The following PDHX variants were observed in gnomAD, a reference collection of about 807,000 sequenced individuals.
PDHX encodes the protein pyruvate dehydrogenase protein X component, mitochondrial.
Under a neutral mutation model 55.3 loss-of-function variants are expected in PDHX, and 33 were observed. The observed-to-expected ratio is 0.60, with a 90% CI of 0.45 to 0.80. The LOEUF (loss-of-function observed/expected upper bound fraction) is 0.80, where lower values mean the gene tolerates loss of function less well. Among genes scored for constraint, PDHX ranks in the 30% least tolerant of loss-of-function variants. The pLI is 0.00. For synonymous variants in PDHX, 226 were observed against 219.4 expected (o/e 1.03, Z -0.27); for missense variants, 622 against 619.9 (o/e 1.00, Z -0.04).
At position 34,960,407 on chromosome 11, in the gene PDHX, A is replaced by AT. The variant is rs760783130; in HGVS notation, c.543-6dup. On this transcript the variant is annotated splice_polypyrimidine_tract_variant and intron_variant, in intron 4 of 10. Transcript: ENST00000227868. ...GTTAATTGGTTCTATTAACCTTCAT[A>AT]TTTTTTTCTTAGGTTCCGTTTAAGT... is the stretch of plus-strand genomic sequence containing the variant. The AT allele has an allele frequency of 3.8e-6, 6 of 1,578,968 alleles. No homozygotes were observed. The highest frequency in any genetic ancestry group is 2.2e-5 in the South Asian group (2 of 90,242).
chr11:34,982,204 T>A (rs955960804), intron 8 of PDHX, among the ~76,000 whole-genome samples: 1 of 152,246 alleles, frequency 6.6e-6, no homozygotes, highest in Non-Finnish European at 1.5e-5. Flanking sequence ...AGTTCCAGTT[T>A]CAGCTTTCTA....
chr11:34,963,117 A>G (rs925945023), intron 5 of PDHX, among the ~76,000 whole-genome samples: 2 of 152,166 alleles, frequency 1.3e-5, no homozygotes, highest in African/African-American at 4.8e-5. Flanking sequence ...TTGCTTTTCT[A>G]TACTGCTAAA....
chr11:34,982,336 A>G (rs1230883756), intron 8 of PDHX, among the ~76,000 whole-genome samples: 1 of 152,160 alleles, frequency 6.6e-6, no homozygotes, highest in Admixed American at 6.6e-5. Flanking sequence ...ATTAAAATTG[A>G]CACCCTAACA....
At chr11:34,925,362 A>G (rs1853993752) in intron 1 of PDHX, among the ~76,000 whole-genome samples, 2 of 152,200 alleles carry the variant, frequency 1.3e-5, no homozygotes, top group Admixed American at 1.3e-4. Flanking sequence ...AACAGCAGCC[A>G]CCCAAATCCT....
chr11:34,960,330 T>A (rs550109300), intron 4 of PDHX, 90 bp from the exon 5 acceptor site: 34 of 828,514 alleles, frequency 4.1e-5, no homozygotes, highest in African/African-American at 1.5e-4. Context: ...GATTTTTTTT[T>A]AATTATTTGC....
chr11:34,939,702 T>C (rs1218112868), intron 2 of PDHX, among the ~76,000 whole-genome samples: 1 of 152,218 alleles, frequency 6.6e-6, no homozygotes, highest in Admixed American at 6.5e-5. Flanking sequence ...ATTTTCTTTT[T>C]TTAAGTAACT....
chr11:34,992,405 A>G (rs554303199), intron 10 of PDHX, 26 bp downstream of exon 10: 21 of 1,181,326 alleles, frequency 1.8e-5, no homozygotes, highest in Middle Eastern at 1.9e-4. Flanking sequence ...TTAATTATCC[A>G]TAGCATCAAA....
At chr11:34,928,089 T>A (rs1187072962) in intron 1 of PDHX, among the ~76,000 whole-genome samples, 3 of 152,094 alleles carry the variant, frequency 2.0e-5, no homozygotes, top group Non-Finnish European at 4.4e-5. Flanking sequence ...AATGTGAAGG[T>A]CTCTTAGGTG....
chr11:34,916,932 C>T (rs1853732037), intron 1 of PDHX, 117 bp downstream of exon 1: 2 of 1,005,178 alleles, frequency 2.0e-6, no homozygotes, highest in East Asian at 2.6e-5. Context: ...TCCTTATTCC[C>T]TTTCCTCTTT....
At chr11:34,945,413 A>C (rs1854598794) in intron 2 of PDHX, among the ~76,000 whole-genome samples, 1 of 152,174 alleles carries the variant, frequency 6.6e-6, no homozygotes, top group Non-Finnish European at 1.5e-5. Flanking sequence ...CTTTTTAAAG[A>C]GATCTTTAAT....
chr11:34,938,163 G>A (rs925532663), intron 2 of PDHX, among the ~76,000 whole-genome samples: 3 of 152,208 alleles, frequency 2.0e-5, no homozygotes, highest in Non-Finnish European at 4.4e-5. Flanking sequence ...ACGACTAGAG[G>A]AAGTTAGGTT....
intron 2 of PDHX, among the ~76,000 whole-genome samples, chr11:34,944,442 T>C (rs778740770): frequency 9.9e-5 from 15 of 152,182 alleles, no homozygotes; most frequent in Non-Finnish European, 2.2e-4. Context: ...TTTTAATAAA[T>C]GTTTGTTGAC....
intron 7 of PDHX, among the ~76,000 whole-genome samples, chr11:34,975,802 G>A (rs1235517733): frequency 6.6e-6 from 1 of 152,120 alleles, no homozygotes; most frequent in East Asian, 1.9e-4. Context: ...AATTTATCCT[G>A]CTTTTTCTTT....
chr11:34,974,533 G>A (rs765003492), intron 7 of PDHX, among the ~76,000 whole-genome samples: 73 of 152,266 alleles, frequency 4.8e-4, no homozygotes, highest in Admixed American at 2.2e-3. Flanking sequence ...ATCCCCAGAA[G>A]TGGAATTACT....
At chr11:34,960,223 A>G (rs1854994073) in intron 4 of PDHX, among the ~76,000 whole-genome samples, 197 bp from the exon 5 acceptor site, 1 of 152,226 alleles carries the variant, frequency 6.6e-6, no homozygotes, top group South Asian at 2.1e-4. Flanking sequence ...AATAGTAACT[A>G]AATTTTTACG....
At chr11:34,971,309 G>C (rs1442359268) in intron 7 of PDHX, among the ~76,000 whole-genome samples, 1 of 151,696 alleles carries the variant, frequency 6.6e-6, no homozygotes, top group African/African-American at 2.4e-5. Context: ...TTATTTTCTT[G>C]TCTTATTGCA....
intron 3 of PDHX, among the ~76,000 whole-genome samples, chr11:34,953,372 C>A (rs950675453): frequency 6.6e-6 from 1 of 152,184 alleles, no homozygotes; most frequent in Non-Finnish European, 1.5e-5. Flanking sequence ...AAAAAAGAGC[C>A]TGCATCGCCA....
intron 5 of PDHX, among the ~76,000 whole-genome samples, chr11:34,965,792 T>C (rs1565163064): frequency 6.6e-6 from 1 of 152,210 alleles, no homozygotes; most frequent in Non-Finnish European, 1.5e-5. Flanking sequence ...AAATAATTTT[T>C]CCTTAGATTT....
At chr11:34,984,336 C>T (rs1374375134) in intron 8 of PDHX, among the ~76,000 whole-genome samples, 2 of 152,142 alleles carry the variant, frequency 1.3e-5, no homozygotes, top group Non-Finnish European at 2.9e-5. Context: ...AAAACATGTA[C>T]CTCATCAGAA....
Sources: allele counts gnomAD v4.1 joint callset (sites outside exome capture counted in the v4.1 genomes callset), GRCh38; gene constraint gnomAD v4.1.1; transcripts MANE v1.5; gene names NCBI Gene and HGNC (gene_info 2026-07-23, HGNC 2026-07-21).